The following CHRNA7 variants were observed in gnomAD, a reference collection of about 807,000 sequenced individuals.
CHRNA7 encodes the protein neuronal acetylcholine receptor subunit alpha-7.
Under a neutral mutation model 48.0 loss-of-function variants are expected in CHRNA7, and 17 were observed. The observed-to-expected ratio is 0.35, with a 90% CI of 0.24 to 0.53. CHRNA7 has a LOEUF of 0.53. Among genes scored for constraint, CHRNA7 ranks in the 20% least tolerant of loss-of-function variants. The pLI is 0.92. For missense variants in CHRNA7, 155 were observed against 577.7 expected, an observed-to-expected ratio of 0.27 and a Z score of 7.50; for synonymous variants, 75 against 242.3, an observed-to-expected ratio of 0.31 and a Z score of 6.41.
chr15:32,072,774 G>A (rs2050078323), intron 2 of CHRNA7, among the ~76,000 whole-genome samples: 1 of 152,202 alleles, frequency 6.6e-6, no homozygotes, highest in Non-Finnish European at 1.5e-5. Context: ...CGTAAGCTTT[G>A]GTGGTACCAT....
intron 9 of CHRNA7, among the ~76,000 whole-genome samples, chr15:32,166,842 T>C (rs1254656644): frequency 4.1e-5 from 5 of 121,806 alleles, no homozygotes; most frequent in African/African-American, 1.8e-4. Context: ...CCAGCTTCTT[T>C]CATGCACTCT....
rs565453324 is a variant in CHRNA7 at position 32,118,464 on chromosome 15, G to A, written c.350+6565G>A. On this transcript the variant is annotated intron_variant, in intron 4 of 9. Coordinates refer to ENST00000306901, the MANE Select transcript of CHRNA7 (RefSeq NM_000746.6). ...CTGTATTAATCAGATATTCACACCT[G>A]AGCTGGAGGGAGGCTGTTTCTAAAT... Among the ~76,000 whole-genome samples, 137 of 152,272 alleles carry A rather than the reference G, an allele frequency of 9.0e-4. 4 individuals are homozygous for A. The South Asian group carries it at 0.027, about 30-fold the overall frequency.
At chr15:32,065,636 G>A (rs2049951843) in intron 2 of CHRNA7, among the ~76,000 whole-genome samples, 1 of 152,270 alleles carries the variant, frequency 6.6e-6, no homozygotes, top group African/African-American at 2.4e-5. Flanking sequence ...AATCTGAGAA[G>A]GCCTTAGACT....
chr15:32,139,147 C>T (rs2051330439), intron 4 of CHRNA7, among the ~76,000 whole-genome samples: 1 of 152,170 alleles, frequency 6.6e-6, no homozygotes, highest in South Asian at 2.1e-4. Context: ...TGACTTATTT[C>T]ATTTGGTAAT....
chr15:32,080,234 G>A (rs1000360699), intron 2 of CHRNA7, among the ~76,000 whole-genome samples: 2 of 152,144 alleles, frequency 1.3e-5, no homozygotes, highest in Non-Finnish European at 2.9e-5. Flanking sequence ...CAGGACGTAG[G>A]CATGGGCAAA....
intron 2 of CHRNA7, 113 bp downstream of exon 2, chr15:32,031,150 C>A: frequency 7.7e-7 from 1 of 1,305,592 alleles, no homozygotes; most frequent in Non-Finnish European, 1.1e-6. Flanking sequence ...CTCTAGTTGG[C>A]CCCAAGCTAG....
chr15:32,143,971 C>G (rs1310449280), intron 4 of CHRNA7, among the ~76,000 whole-genome samples: 2 of 152,134 alleles, frequency 1.3e-5, no homozygotes, highest in Admixed American at 6.5e-5. Context: ...ATGATGCTAG[C>G]TGATTATTTT....
chr15:32,049,937 T>G (rs2049634159), intron 2 of CHRNA7, among the ~76,000 whole-genome samples: 1 of 152,194 alleles, frequency 6.6e-6, no homozygotes, highest in Non-Finnish European at 1.5e-5. Flanking sequence ...AAATTCTAGG[T>G]GAAAATTCTT....
intron 2 of CHRNA7, among the ~76,000 whole-genome samples, chr15:32,081,470 T>C (rs2050214425): frequency 6.6e-6 from 1 of 152,200 alleles, no homozygotes; most frequent in African/African-American, 2.4e-5. Flanking sequence ...GAATTCCATT[T>C]GATTTATTCA....
Position 32,030,574 on chromosome 15 carries a change from G to T in CHRNA7, c.-21G>T, listed in dbSNP as rs762127080. The stretch of plus-strand genomic sequence containing the variant: ...GCCGAGACGTGGAGCGCGCCGGCTC[G>T]CTGCAGCTCCGGGACTCAACATGCG... On this transcript the variant is annotated 5_prime_UTR_variant, in exon 1 of 10. Transcript: ENST00000306901. The T allele has an allele frequency of 1.3e-5, 19 of 1,481,204 alleles. No individual in the cohort carries two copies. The highest frequency in any genetic ancestry group is 1.5e-5 in the Non-Finnish European group (17 of 1,122,330). 91.8% of individuals were successfully genotyped at this position (1,481,204 alleles called of 1,614,324 possible). A position where few individuals can be genotyped will look rare whatever the true frequency, so the allele number is the denominator to read the frequency against.
chr15:32,073,132 T>A (rs1242298484), intron 2 of CHRNA7, among the ~76,000 whole-genome samples: 1 of 152,126 alleles, frequency 6.6e-6, no homozygotes, highest in Non-Finnish European at 1.5e-5. Context: ...GAGGGCACAC[T>A]CTCCAAAGCC....
intron 3 of CHRNA7, among the ~76,000 whole-genome samples, chr15:32,110,352 C>CT (rs1284206593): frequency 3.9e-5 from 6 of 152,204 alleles, no homozygotes; most frequent in Admixed American, 3.9e-4. Context: ...CTCCTGTCCC[C>CT]TCCCCAACCA....
chr15:32,067,211 TC>T (rs1226156783), intron 2 of CHRNA7, among the ~76,000 whole-genome samples: 1 of 152,024 alleles, frequency 6.6e-6, no homozygotes, highest in African/African-American at 2.4e-5. Context: ...AAACCAAAGA[TC>T]CACACCTAGA....
At chr15:32,103,538 G>A (rs1442174895) in intron 3 of CHRNA7, among the ~76,000 whole-genome samples, 3 of 152,066 alleles carry the variant, frequency 2.0e-5, no homozygotes, top group African/African-American at 4.8e-5. Flanking sequence ...GAGAGCCCTT[G>A]AGATATTCCC....
At chr15:32,090,392 A>G (rs2050363903) in intron 2 of CHRNA7, among the ~76,000 whole-genome samples, 1 of 152,186 alleles carries the variant, frequency 6.6e-6, no homozygotes. Flanking sequence ...AAAACCCATG[A>G]AATTGTAGAG....
chr15:32,138,731 A>ATGTTTTGTTTTTTGTTT (rs1555386942), intron 4 of CHRNA7, among the ~76,000 whole-genome samples: 1 of 146,106 alleles, frequency 6.8e-6, no homozygotes, highest in Non-Finnish European at 1.5e-5. Context: ...TTGACCTGTT[A>ATGTTTTGTTTTTTGTTT]TGTTTTGTTT....
intron 4 of CHRNA7, among the ~76,000 whole-genome samples, chr15:32,114,048 A>ATATATGTG (rs2050816685): frequency 2.0e-5 from 1 of 50,010 alleles, no homozygotes; most frequent in African/African-American, 5.7e-5. Context: ...ATATATGTAT[A>ATATATGTG]TATATATATA....
intron 4 of CHRNA7, chr15:32,112,420 A>G: frequency 1.5e-5 from 7 of 452,376 alleles, no homozygotes; most frequent in South Asian, 1.1e-4. Context: ...TGCAGGGTAT[A>G]TACCTGATTT....
chr15:32,050,506 T>G (rs1283028367), intron 2 of CHRNA7, among the ~76,000 whole-genome samples: 1 of 152,220 alleles, frequency 6.6e-6, no homozygotes, highest in African/African-American at 2.4e-5. Flanking sequence ...TCAGCTCCTT[T>G]AAGAACTTCT....
Sources: allele counts gnomAD v4.1 joint callset (sites outside exome capture counted in the v4.1 genomes callset), GRCh38; gene constraint gnomAD v4.1.1; transcripts MANE v1.5; gene names NCBI Gene and HGNC (gene_info 2026-07-23, HGNC 2026-07-21).